LHFPL3: variants seen among roughly 807,000 people sequenced by gnomAD.
LHFPL3 encodes LHFPL tetraspan subfamily member 3 protein.
In LHFPL3, 5 loss-of-function variants were observed where a neutral mutation model predicts 19.3. That is an observed-to-expected ratio of 0.26 (90% CI 0.14 to 0.54). LHFPL3 has a LOEUF of 0.54. Among genes scored for constraint, LHFPL3 ranks in the 20% least tolerant of loss-of-function variants. The pLI, the probability that LHFPL3 is intolerant of heterozygous loss-of-function variation, is 0.94. For synonymous variants in LHFPL3, 133 were observed against 126.2 expected, an observed-to-expected ratio of 1.05 and a Z score of -0.36; for missense variants, 249 against 307.4, an observed-to-expected ratio of 0.81 and a Z score of 1.42.
At chr7:104,439,853 A>G (rs560229513) in intron 1 of LHFPL3, among the ~76,000 whole-genome samples, 1 of 152,282 alleles carries the variant, frequency 6.6e-6, no homozygotes, top group South Asian at 2.1e-4. Context: ...TGAATAAGAC[A>G]AGAAAAAAAG....
chr7:104,386,257 A>T (rs962414335), intron 1 of LHFPL3, among the ~76,000 whole-genome samples: 3 of 152,232 alleles, frequency 2.0e-5, no homozygotes, highest in Non-Finnish European at 4.4e-5. Context: ...CATATTTCAC[A>T]GTTCCCTAAA....
intron 1 of LHFPL3, among the ~76,000 whole-genome samples, chr7:104,385,928 T>G (rs1386220219): frequency 2.0e-5 from 3 of 150,992 alleles, no homozygotes; most frequent in Non-Finnish European, 4.4e-5. Flanking sequence ...ATAAAAGCAA[T>G]GAAAACATTG....
rs1794592539 is a variant in LHFPL3 at position 104,547,264 on chromosome 7, A to G, written c.446-189411A>G. Among the ~76,000 whole-genome samples, 3 of 25,124 alleles carry G rather than the reference A, an allele frequency of 1.2e-4. 1 individual carries two copies. Among genetic ancestry groups the G allele is most frequent in the African/African-American group, 3.3e-4 (3 of 9,080 alleles). The allele number at this position is 25,124 out of a possible 152,430, so 16.5% of individuals were successfully genotyped here. ...TCTCAAAAAAAAAAAAAAAAAAAAA[A>G]AAAAAAGAAATAGTAGCTCAAAATA... On this transcript the variant is annotated intron_variant, in intron 1 of 2. Coordinates refer to ENST00000424859, the MANE Select transcript of LHFPL3 (RefSeq NM_199000.3).
At chr7:104,528,274 G>C (rs1376614852) in intron 1 of LHFPL3, among the ~76,000 whole-genome samples, 1 of 152,124 alleles carries the variant, frequency 6.6e-6, no homozygotes, top group Non-Finnish European at 1.5e-5. Flanking sequence ...GCTATGATTG[G>C]AAGAAATACA....
intron 1 of LHFPL3, among the ~76,000 whole-genome samples, chr7:104,339,958 G>A (rs1300256656): frequency 1.3e-5 from 2 of 152,144 alleles, no homozygotes; most frequent in African/African-American, 2.4e-5. Flanking sequence ...TATTGATGGT[G>A]GTGGTGAAGA....
At chr7:104,836,855 G>T (rs1295486781) in intron 2 of LHFPL3, among the ~76,000 whole-genome samples, 1 of 152,188 alleles carries the variant, frequency 6.6e-6, no homozygotes, top group Non-Finnish European at 1.5e-5. Context: ...GCCATGGCTT[G>T]TAGGATGTCA....
At chr7:104,793,572 G>GT (rs1446645970) in intron 2 of LHFPL3, among the ~76,000 whole-genome samples, 1 of 152,180 alleles carries the variant, frequency 6.6e-6, no homozygotes, top group Non-Finnish European at 1.5e-5. Flanking sequence ...CTAAAGAATG[G>GT]TTTGAACTAA....
chr7:104,597,027 C>A (rs1422001475), intron 1 of LHFPL3, among the ~76,000 whole-genome samples: 2 of 152,166 alleles, frequency 1.3e-5, no homozygotes, highest in African/African-American at 4.8e-5. Context: ...TGTTCTTTCC[C>A]ACTGAAACCA....
chr7:104,553,008 T>A (rs569606315), intron 1 of LHFPL3, among the ~76,000 whole-genome samples: 62 of 152,334 alleles, frequency 4.1e-4, no homozygotes, highest in African/African-American at 1.5e-3. Flanking sequence ...TAAGATTGCA[T>A]GTGCTAATAT....
chr7:104,728,341 T>G (rs554001136), intron 1 of LHFPL3, among the ~76,000 whole-genome samples: 6 of 152,168 alleles, frequency 3.9e-5, no homozygotes, highest in Admixed American at 1.3e-4. Context: ...ATGGCCCTGA[T>G]AGTCACAGAA....
chr7:104,738,874 T>A (rs1793879737), intron 2 of LHFPL3: 1 of 152,146 alleles, frequency 6.6e-6, no homozygotes, highest in Non-Finnish European at 1.5e-5. Flanking sequence ...GAAAGAAGGT[T>A]TAGGGATTAT....
At chr7:104,780,780 A>G (rs909175201) in intron 2 of LHFPL3, among the ~76,000 whole-genome samples, 4 of 152,052 alleles carry the variant, frequency 2.6e-5, no homozygotes, top group African/African-American at 9.7e-5. Context: ...GATTTTCTCA[A>G]TTTCAATGCC....
At chr7:104,439,357 A>G (rs1305486381) in intron 1 of LHFPL3, among the ~76,000 whole-genome samples, 1 of 150,038 alleles carries the variant, frequency 6.7e-6, no homozygotes, top group East Asian at 1.9e-4. Flanking sequence ...AAAGAAAACT[A>G]TGGGTGAATA....
rs1196165566 is a variant in LHFPL3 at position 104,399,636 on chromosome 7, ATTTT to A, written c.445+70426_445+70429del. On this transcript the variant is annotated intron_variant, in intron 1 of 2. Transcript: ENST00000424859. The surrounding 1 kb of genome is among the most constrained non-coding windows in gnomAD (Gnocchi z 4.4). ...GCCACCACACCGGGCTAAGTTTTGC[ATTTT>A]TTTTTTTTTTTTTGGTAGAGACGGG... is the stretch of plus-strand genomic sequence containing the variant. Among the ~76,000 whole-genome samples the A allele has an allele frequency of 4.1e-5, 5 of 123,028 alleles. No individual in the cohort carries two copies. Among genetic ancestry groups the A allele is most frequent in the Admixed American group, 8.2e-5 (1 of 12,176 alleles). 80.7% of individuals were successfully genotyped at this position (123,028 alleles called of 152,430 possible). A position where few individuals can be genotyped will look rare whatever the true frequency, so the allele number is the denominator to read the frequency against.
chr7:104,658,217 A>G (rs538124626), intron 1 of LHFPL3, among the ~76,000 whole-genome samples: 6 of 152,318 alleles, frequency 3.9e-5, no homozygotes, highest in African/African-American at 1.2e-4. Context: ...TATTCTTGCA[A>G]GTTCTCAGTT....
At chr7:104,652,034 G>A (rs947760450) in intron 1 of LHFPL3, among the ~76,000 whole-genome samples, 1 of 152,236 alleles carries the variant, frequency 6.6e-6, no homozygotes, top group Non-Finnish European at 1.5e-5. Context: ...CCAGGAGGAG[G>A]AGAGAGGCAT....
intron 1 of LHFPL3, among the ~76,000 whole-genome samples, chr7:104,352,747 C>A (rs893599287): frequency 2.0e-5 from 3 of 152,182 alleles, no homozygotes; most frequent in Admixed American, 2.0e-4. Flanking sequence ...GAGGTTTCTC[C>A]ACACTTTTCT....
At chr7:104,715,291 A>T (rs10258840) in intron 1 of LHFPL3, among the ~76,000 whole-genome samples, 29,798 of 152,178 alleles carry the variant, frequency 0.2, 3,206 homozygotes, top group African/African-American at 0.27. Context: ...AAGGGAAAGG[A>T]GTTCAGAGAA....
At chr7:104,411,812 A>G (rs60477774) in intron 1 of LHFPL3, among the ~76,000 whole-genome samples, 2 of 152,322 alleles carry the variant, frequency 1.3e-5, no homozygotes, top group South Asian at 4.1e-4. Context: ...TGTTAAAAAA[A>G]TAAAAATGTT....
Sources: gnomAD v4.1 joint callset for allele counts (sites outside exome capture counted in the v4.1 genomes callset) on GRCh38, gnomAD v4.1.1 for gene constraint, Gnocchi (gnomAD v3.1) non-coding constraint, MANE v1.5 for transcripts, NCBI Gene and HGNC (gene_info 2026-07-23, HGNC 2026-07-21) for gene names.